Variants in PABPC4L observed in about 807,000 individuals in gnomAD.
PABPC4L encodes polyadenylate-binding protein 4-like.
For missense variants in PABPC4L, 452 were observed against 451.4 expected, an observed-to-expected ratio of 1.00 and a Z score of -0.01; for synonymous variants, 169 against 164.1, an observed-to-expected ratio of 1.03 and a Z score of -0.23.
the PABPC4L span, among the ~76,000 whole-genome samples, chr4:134,038,849 T>G: frequency 5.5e-4 from 83 of 152,264 alleles, no homozygotes; most frequent in Non-Finnish European, 1.1e-3. Context: ...CTTAGTTATT[T>G]CTTGTCTTCT....
chr4:134,051,698 CTCCATG>C, the PABPC4L span, among the ~76,000 whole-genome samples: 1 of 152,040 alleles, frequency 6.6e-6, no homozygotes, highest in African/African-American at 2.4e-5. Context: ...AGCAGCAAAA[CTCCATG>C]TCTGAAGTTT....
chr4:133,966,618 T>C, the PABPC4L span, among the ~76,000 whole-genome samples: 1 of 152,166 alleles, frequency 6.6e-6, no homozygotes, highest in East Asian at 1.9e-4. Flanking sequence ...AATGGAATAC[T>C]ACTCAGCCAT....
At chr4:134,164,495 G>A in the PABPC4L span, among the ~76,000 whole-genome samples, 2 of 151,982 alleles carry the variant, frequency 1.3e-5, no homozygotes, top group Admixed American at 1.3e-4. Flanking sequence ...CAACCAAGCT[G>A]AGAATCAAAC....
chr4:134,148,497 C>T, the PABPC4L span, among the ~76,000 whole-genome samples: 4 of 152,064 alleles, frequency 2.6e-5, no homozygotes, highest in African/African-American at 9.7e-5. Flanking sequence ...TATCAGATTT[C>T]CCTCAACTTG....
chr4:134,101,279 AT>A, the PABPC4L span, among the ~76,000 whole-genome samples: 4 of 151,722 alleles, frequency 2.6e-5, no homozygotes, highest in South Asian at 8.3e-4. Context: ...CAGTATTTGC[AT>A]TTTGAAGTTT....
the PABPC4L span, among the ~76,000 whole-genome samples, chr4:134,134,526 C>A: frequency 6.6e-6 from 1 of 151,644 alleles, no homozygotes; most frequent in Non-Finnish European, 1.5e-5. Flanking sequence ...TAAATAAAAT[C>A]TTAAGTCAAT....
At chr4:133,953,431 T>C in the PABPC4L span, among the ~76,000 whole-genome samples, 1 of 152,194 alleles carries the variant, frequency 6.6e-6, no homozygotes, top group African/African-American at 2.4e-5. Context: ...TCTATCAATC[T>C]TTTGTAGTTT....
the PABPC4L span, among the ~76,000 whole-genome samples, chr4:133,980,896 G>A: frequency 9.3e-3 from 1,418 of 152,228 alleles, 28 homozygotes; most frequent in African/African-American, 0.033. Context: ...AGTGGCTCAC[G>A]CCTGTAATCC....
At chr4:134,011,951 T>G in the PABPC4L span, among the ~76,000 whole-genome samples, 72 of 152,282 alleles carry the variant, frequency 4.7e-4, 1 homozygote, top group East Asian at 0.012. Context: ...CTCCCTTTTC[T>G]GTTTTTCCCT....
chr4:134,160,700 A>G, the PABPC4L span, among the ~76,000 whole-genome samples: 1 of 151,536 alleles, frequency 6.6e-6, no homozygotes, highest in African/African-American at 2.4e-5. Context: ...ACATAGTAAG[A>G]CTCCATCTCT....
chr4:133,982,504 T>A, the PABPC4L span, among the ~76,000 whole-genome samples: 2 of 151,944 alleles, frequency 1.3e-5, no homozygotes, highest in African/African-American at 2.4e-5. Flanking sequence ...TGGTGAATTC[T>A]TTTTGCAGTG....
the PABPC4L span, among the ~76,000 whole-genome samples, chr4:134,043,125 C>T: frequency 6.6e-6 from 1 of 152,116 alleles, no homozygotes; most frequent in African/African-American, 2.4e-5. Context: ...AAGTAACCTC[C>T]TTCCAGCTGT....
chr4:134,109,695 G>A, the PABPC4L span, among the ~76,000 whole-genome samples: 1 of 151,578 alleles, frequency 6.6e-6, no homozygotes, highest in Non-Finnish European at 1.5e-5. Flanking sequence ...TTGATCACAA[G>A]GAGAATCTTG....
chr4:134,166,329 G>A, the PABPC4L span, among the ~76,000 whole-genome samples: 1 of 152,072 alleles, frequency 6.6e-6, no homozygotes, highest in African/African-American at 2.4e-5. Context: ...ATAAATAGAT[G>A]TAAATATAGA....
At chr4:134,189,031 C>T in the PABPC4L span, among the ~76,000 whole-genome samples, 1 of 151,882 alleles carries the variant, frequency 6.6e-6, no homozygotes, top group Non-Finnish European at 1.5e-5. Context: ...TTAACAGATT[C>T]TCAAGCTTAG....
chr4:134,030,305 C>A, the PABPC4L span, among the ~76,000 whole-genome samples: 1 of 152,048 alleles, frequency 6.6e-6, no homozygotes, highest in African/African-American at 2.4e-5. Context: ...AAGTTTGGAA[C>A]TTCCTAGAGA....
At chr4:134,021,993 A>G in the PABPC4L span, among the ~76,000 whole-genome samples, 2 of 152,086 alleles carry the variant, frequency 1.3e-5, no homozygotes, top group East Asian at 3.9e-4. Flanking sequence ...ATCAAACTTA[A>G]CTGAGGTATT....
At chr4:134,025,070 C>T in the PABPC4L span, among the ~76,000 whole-genome samples, 3 of 150,664 alleles carry the variant, frequency 2.0e-5, no homozygotes, top group Admixed American at 6.6e-5. Context: ...GTGGCTCACA[C>T]CTGTAATCCC....
At chr4:134,059,386 CTATATA>C in the PABPC4L span, among the ~76,000 whole-genome samples, 24 of 142,534 alleles carry the variant, frequency 1.7e-4, no homozygotes, top group Non-Finnish European at 3.4e-4. Context: ...AGGAAACAAA[CTATATA>C]TATATATATA....
Sources: allele counts gnomAD v4.1 joint callset (sites outside exome capture counted in the v4.1 genomes callset), GRCh38; gene constraint gnomAD v4.1.1; transcripts MANE v1.5; gene names NCBI Gene and HGNC (gene_info 2026-07-23, HGNC 2026-07-21).